SPATA22: variants seen among roughly 807,000 people sequenced by gnomAD.
SPATA22 encodes spermatogenesis-associated protein 22.
Under a neutral mutation model 47.8 loss-of-function variants are expected in SPATA22, and 29 were observed. The observed-to-expected ratio is 0.61, with a 90% CI of 0.45 to 0.83. The LOEUF is 0.83. Ranked by LOEUF, SPATA22 falls within the 40% of genes least tolerant of loss-of-function variation. The pLI is 0.00. For missense variants in SPATA22, 410 were observed against 421.7 expected (o/e 0.97, Z 0.24); for synonymous variants, 133 against 140.9 (o/e 0.94, Z 0.40).
chr17:3,503,653 T>C (rs929482178), intron 1 of SPATA22, among the ~76,000 whole-genome samples: 3 of 152,234 alleles, frequency 2.0e-5, no homozygotes, highest in Admixed American at 6.5e-5. Flanking sequence ...TCAAGTCTAA[T>C]CTTCCCTTTT....
intron 1 of SPATA22, among the ~76,000 whole-genome samples, chr17:3,508,689 G>A (rs2074065944): frequency 7.5e-6 from 1 of 133,764 alleles, no homozygotes; most frequent in Non-Finnish European, 1.6e-5. Context: ...TCATAGATGG[G>A]AATTGAACAA....
chr17:3,444,708 A>G (rs1048405727), intron 7 of SPATA22, among the ~76,000 whole-genome samples: 14 of 152,196 alleles, frequency 9.2e-5, no homozygotes, highest in Middle Eastern at 3.4e-3. Flanking sequence ...ATGCAACACA[A>G]TATTATACAT....
chr17:3,442,727 C>A (rs1408143548), intron 8 of SPATA22, among the ~76,000 whole-genome samples: 1 of 151,982 alleles, frequency 6.6e-6, no homozygotes, highest in African/African-American at 2.4e-5. Flanking sequence ...CTATATCCTT[C>A]TTTCCCTCCC....
intron 7 of SPATA22, among the ~76,000 whole-genome samples, chr17:3,446,029 G>A (rs937108200): frequency 2.0e-5 from 3 of 152,032 alleles, no homozygotes; most frequent in African/African-American, 7.2e-5. Context: ...ACTTCTCAAA[G>A]ATGCCTGCAT....
At chr17:3,482,929 A>G (rs543728695) in intron 1 of SPATA22, among the ~76,000 whole-genome samples, 1 of 134,218 alleles carries the variant, frequency 7.5e-6, no homozygotes, top group Non-Finnish European at 1.6e-5. Context: ...TCCTAATGCT[A>G]TCCCTCCCCC....
chr17:3,471,893 T>A, upstream of SPATA22: 1 of 983,902 alleles, frequency 1.0e-6, no homozygotes, highest in Non-Finnish European at 1.2e-6. Flanking sequence ...CTTCGCTGCC[T>A]GCCTGGCCGC....
chr17:3,470,579 C>A (rs1364974888), intron 1 of SPATA22, among the ~76,000 whole-genome samples: 1 of 151,770 alleles, frequency 6.6e-6, no homozygotes, highest in African/African-American at 2.4e-5. Flanking sequence ...GAAACCCCGT[C>A]TCTACTAAAA....
chr17:3,480,622 A>G (rs2073611096), intron 1 of SPATA22, among the ~76,000 whole-genome samples: 2 of 152,330 alleles, frequency 1.3e-5, no homozygotes, highest in South Asian at 4.1e-4. Context: ...GAGGTTCAGA[A>G]TCTTGCGGCC....
At chr17:3,513,601 C>A (rs556333618) in exon 1 of SPATA22, 24 of 265,134 alleles carry the variant, frequency 9.1e-5, no homozygotes, top group African/African-American at 5.0e-4. Flanking sequence ...TCTCTCCCAG[C>A]CAAGCCGACC....
intron 1 of SPATA22, among the ~76,000 whole-genome samples, chr17:3,508,013 G>A (rs1597457163): frequency 6.6e-6 from 1 of 152,118 alleles, no homozygotes; most frequent in East Asian, 1.9e-4. Flanking sequence ...TCCCTGTCTT[G>A]CTGCCACTCA....
At chr17:3,475,990 G>A (rs773058301), upstream of SPATA22, 27 of 642,504 alleles carry the variant, frequency 4.2e-5, no homozygotes, top group Non-Finnish European at 5.9e-5. Context: ...GTCCATAAAC[G>A]GGGCTCAGAA....
At chr17:3,497,079 A>C (rs2073921649) in intron 1 of SPATA22, among the ~76,000 whole-genome samples, 1 of 152,070 alleles carries the variant, frequency 6.6e-6, no homozygotes, top group Non-Finnish European at 1.5e-5. Flanking sequence ...AAAAAGAAAA[A>C]ATGCTGATTT....
chr17:3,446,476 T>C lies in SPATA22; in HGVS notation c.798A>G (p.Val266=). Residue 266 remains valine, a synonymous_variant, in exon 7 of 9, where the codon GTA becomes GTG. Coordinates refer to ENST00000572969, the MANE Select transcript of SPATA22 (RefSeq NM_001170698.2). ...HAQKTVLLFE[V]LAVLDSAVTP... is the part of the protein sequence containing the mutation. ...TTTTTAAAGTATTTTACCTACCTAA[T>C]ACTTCAAAAAGAAGTACAGTTTTCT... is the stretch of plus-strand genomic sequence containing the variant. The C allele has an allele frequency of 6.2e-7, 1 of 1,605,326 alleles. No individual in the cohort carries two copies. The highest frequency in any genetic ancestry group is 1.7e-4 in the Middle Eastern group (1 of 6,006).
At chr17:3,459,508 T>G (rs1322045421) in intron 5 of SPATA22, among the ~76,000 whole-genome samples, 4 of 152,186 alleles carry the variant, frequency 2.6e-5, no homozygotes, top group African/African-American at 4.8e-5. Flanking sequence ...CAGGTTCCAA[T>G]GATTCTACTG....
Position 3,440,178 on chromosome 17 carries a change from T to A in SPATA22, c.1061A>T (p.Gln354Leu), listed in dbSNP as rs949531963. ...AFVKIADVEM[Q>L]YYINVMNET is the part of the protein sequence containing the mutation. ...TTCATTCATCACATTAATATAATAC[T>A]GCATCTCAACATCTGCAATTTTGAC... The change falls in exon 9 of 9, where the codon CAG becomes CTG. Residue 354 changes from glutamine to leucine, a missense_variant. Transcript: ENST00000572969. 6.2e-7 allele frequency: 1 copy of A among 1,606,794 alleles called. No homozygotes were observed. Among genetic ancestry groups the A allele is most frequent in the Non-Finnish European group, 8.5e-7 (1 of 1,176,924 alleles).
At chr17:3,442,158 T>C (rs368032362) in intron 8 of SPATA22, among the ~76,000 whole-genome samples, 1 of 152,012 alleles carries the variant, frequency 6.6e-6, no homozygotes, top group East Asian at 1.9e-4. Flanking sequence ...TAACAAAGTT[T>C]TTTTAAAAAA....
intron 5 of SPATA22, among the ~76,000 whole-genome samples, chr17:3,454,274 GT>G (rs939869037): frequency 6.7e-6 from 1 of 149,140 alleles, no homozygotes; most frequent in African/African-American, 2.5e-5. Context: ...AATTGATATT[GT>G]TTTTTGTTTT....
intron 1 of SPATA22, chr17:3,502,767 C>T (rs1249106887): frequency 1.3e-5 from 2 of 152,276 alleles, no homozygotes; most frequent in Non-Finnish European, 2.9e-5. Context: ...TTCTTCCCAA[C>T]ATGGAAAATT....
intron 5 of SPATA22, among the ~76,000 whole-genome samples, chr17:3,450,701 A>C (rs1003778810): frequency 6.6e-6 from 1 of 152,244 alleles, no homozygotes; most frequent in Non-Finnish European, 1.5e-5. Context: ...ATGGTTATAG[A>C]AATTACTTTT....
Sources: gnomAD v4.1 joint callset for allele counts (sites outside exome capture counted in the v4.1 genomes callset) on GRCh38, gnomAD v4.1.1 for gene constraint, MANE v1.5 for transcripts, NCBI Gene and HGNC (gene_info 2026-07-23, HGNC 2026-07-21) for gene names.